KLK4: variants seen among roughly 807,000 people sequenced by gnomAD.
KLK4 encodes kallikrein-4.
A neutral mutation model predicts 24.3 loss-of-function variants in KLK4; 24 were observed. The ratio of observed to expected loss-of-function variants is 0.99; its 90% CI spans 0.72 to 1.39. KLK4 has a LOEUF of 1.39. Among genes scored for constraint, KLK4 ranks in the 40% most tolerant of loss-of-function variants. The probability of loss-of-function intolerance (pLI) is 0.00; values close to 1 mark genes in which losing one functional copy is unlikely to be tolerated. For synonymous variants in KLK4, 142 were observed against 138.8 expected (o/e 1.02, Z -0.16); for missense variants, 344 against 327.4 (o/e 1.05, Z -0.39).
intron 5 of KLK4, among the ~76,000 whole-genome samples, chr19:50,907,487 ACCTCTG>A (rs2090444690): frequency 6.8e-6 from 1 of 147,050 alleles, no homozygotes; most frequent in South Asian, 2.2e-4. Context: ...ACTCACTTCA[ACCTCTG>A]CCTCCCATAT....
In KLK4 at chr19:50,910,111, G is replaced by C. The variant is rs767510183; in HGVS notation, c.61+567C>G. On this transcript the variant is annotated intron_variant, in intron 2 of 5. Transcript: ENST00000324041. The surrounding 1 kb of genome is among the most constrained non-coding windows in gnomAD (Gnocchi z 4.4). Reference sequence around the variant, plus strand: ...CTTCGGGGTGAATTAAAGCTCAGGGGGTGGAGTTGTTGCTGGGAGCAAGGA... The same window carrying C: ...CTTCGGGGTGAATTAAAGCTCAGGGCGTGGAGTTGTTGCTGGGAGCAAGGA... Among the ~76,000 whole-genome samples the C allele has an allele frequency of 2.6e-5, 4 of 151,928 alleles. No individual in the cohort carries two copies. The highest frequency in any genetic ancestry group is 4.4e-5 in the Non-Finnish European group (3 of 67,958).
chr19:50,909,191 C>A, intron 3 of KLK4, 61 bp downstream of exon 3: 1 of 1,613,092 alleles, frequency 6.2e-7, no homozygotes, highest in Non-Finnish European at 8.5e-7. Context: ...CAAGATGAGC[C>A]TGATATTAGG....
At chr19:50,909,822 G>A (rs747766012) in intron 2 of KLK4, among the ~76,000 whole-genome samples, 5 of 151,842 alleles carry the variant, frequency 3.3e-5, no homozygotes, top group Non-Finnish European at 7.4e-5. Flanking sequence ...CAGGGCTCCT[G>A]GGAGGAGAGT....
intron 5 of KLK4, among the ~76,000 whole-genome samples, chr19:50,907,582 T>G (rs560571367): frequency 2.0e-5 from 3 of 152,180 alleles, no homozygotes; most frequent in Admixed American, 1.3e-4. Context: ...AACTTTTGTA[T>G]TTTTAGTACA....
At position 50,911,330 on chromosome 19, in the gene KLK4, G is replaced by C. The variant is rs577116390; in HGVS notation, c.-12+9C>G. The stretch of plus-strand genomic sequence containing the variant: ...CAGGCTTTTAGTGGGGGACCACCAG[G>C]CCTCTTACCCGGCCACCTCTGGGCT... On this transcript the variant is annotated intron_variant, in intron 1 of 5. Transcript: ENST00000324041. Among the ~76,000 whole-genome samples, 116 of 152,328 alleles carry C rather than the reference G, an allele frequency of 7.6e-4. 1 individual carries two copies. Among genetic ancestry groups the C allele is most frequent in the Admixed American group, 6.8e-3 (104 of 15,296 alleles).
rs1233890218 is a variant in KLK4 at position 50,906,809 on chromosome 19, A to G, written c.*125T>C. Reference sequence around the variant, plus strand: ...GCTGGGGATCTGTACCCTTGGTTTGAGGGAGGAGGGGCTGGGGGCCTGGAC... The same window carrying G: ...GCTGGGGATCTGTACCCTTGGTTTGGGGGAGGAGGGGCTGGGGGCCTGGAC... On this transcript the variant is annotated 3_prime_UTR_variant, in exon 6 of 6. Transcript: ENST00000324041. 9.4e-6 allele frequency: 10 copies of G among 1,061,378 alleles called. No homozygotes were observed. In the Admixed American group the frequency reaches 1.7e-4, roughly 18 times the overall value. The allele number at this position is 1,061,378 out of a possible 1,614,324, so 65.7% of individuals were successfully genotyped here. A position where few individuals can be genotyped will look rare whatever the true frequency, so the allele number is the denominator to read the frequency against.
chr19:50,908,425 A>G, exon 5 of KLK4: 2 of 1,614,118 alleles, frequency 1.2e-6, no homozygotes, highest in African/African-American at 1.3e-5. Flanking sequence ...ACAGCGGGTC[A>G]TAGAGCTTAC....
chr19:50,907,334 G>C (rs1334791108), intron 5 of KLK4, among the ~76,000 whole-genome samples: 1 of 150,966 alleles, frequency 6.6e-6, no homozygotes, highest in Admixed American at 6.6e-5. Flanking sequence ...GTTTCTGTTT[G>C]TCTGTCTCTC....
chr19:50,909,091 C>T (rs959651659), intron 3 of KLK4, 161 bp downstream of exon 3: 65 of 1,414,448 alleles, frequency 4.6e-5, no homozygotes, highest in Non-Finnish European at 5.2e-5. Flanking sequence ...AAGATTCCCG[C>T]CTCCCAGCCC....
chr19:50,910,825 C>A lies in KLK4; in HGVS notation c.-11-76G>T. ...TCTCTCCATCCCTCTCTTTGTCCCT[C>A]CCTTTCTTCCCTCTGGGACGTTATT... On this transcript the variant is annotated intron_variant, in intron 1 of 5. Transcript: ENST00000324041. The surrounding 1 kb of genome is among the most constrained non-coding windows in gnomAD (Gnocchi z 4.4). 1 of 1,267,100 alleles carries A rather than the reference C, an allele frequency of 7.9e-7. No individual in the cohort carries two copies. Among genetic ancestry groups the A allele is most frequent in the Non-Finnish European group, 1.1e-6 (1 of 888,928 alleles). The allele number at this position is 1,267,100 out of a possible 1,614,324, so 78.5% of individuals were successfully genotyped here.
At chr19:50,906,728 G>C in exon 6 of KLK4, 4 of 462,042 alleles carry the variant, frequency 8.7e-6, no homozygotes, top group Admixed American at 3.8e-5. Flanking sequence ...CTGGACTCCT[G>C]GGTCTGAGGG....
chr19:50,911,219 T>C (rs2090485482), intron 1 of KLK4, among the ~76,000 whole-genome samples, 120 bp downstream of exon 1: 1 of 152,200 alleles, frequency 6.6e-6, no homozygotes, highest in Non-Finnish European at 1.5e-5. Context: ...GTGAGAGATC[T>C]GTCTAGAGAG....
exon 6 of KLK4, chr19:50,906,509 C>CGGGT (rs1181125526): frequency 4.2e-6 from 1 of 235,404 alleles, no homozygotes. Context: ...GGGGCTGGGA[C>CGGGT]CTGGACCTCT....
At chr19:50,909,342 T>G (rs1232449929) in exon 3 of KLK4, 1 of 1,614,122 alleles carries the variant, frequency 6.2e-7, no homozygotes, top group Admixed American at 1.7e-5. Context: ...CAGTGCCGCC[T>G]GCCAGGGCTG....
rs2090459820 is a variant in KLK4, at chr19:50,908,800, CTG to C, written c.252_253del (p.His84GlnfsTer3). The C allele has an allele frequency of 6.2e-7, 1 of 1,613,374 alleles. No homozygotes were observed. The highest frequency in any genetic ancestry group is 1.3e-5 in the African/African-American group (1 of 74,988). The stretch of plus-strand genomic sequence containing the variant: ...CCCTGGCTCTTGGTCGGCCTCAAGA[CTG>C]TGCAGGCCCAGCCCGATGGTGTAGG... On this transcript the variant is annotated frameshift_variant, in exon 4 of 6. Transcript: ENST00000324041. LOFTEE classifies it high-confidence loss of function.
At chr19:50,907,851 T>A in intron 5 of KLK4, 1 of 248,162 alleles carries the variant, frequency 4.0e-6, no homozygotes, top group Non-Finnish European at 7.9e-6. Flanking sequence ...ATTTTTTCAA[T>A]AAACACATTA....
chr19:50,907,947 G>T (rs1255929792), intron 5 of KLK4: 3 of 297,898 alleles, frequency 1.0e-5, no homozygotes, highest in Non-Finnish European at 1.3e-5. Flanking sequence ...TCCAACAAAG[G>T]TATATCATGA....
Position 50,910,787 on chromosome 19 carries a change from T to G in KLK4, c.-11-38A>C. ...ACTGAGACTTAGCCGTGTCTGGGGA[T>G]CTTCAGCCCAAGTCTCTCCATCCCT... On this transcript the variant is annotated intron_variant, in intron 1 of 5. Coordinates refer to ENST00000324041, the Ensembl canonical transcript of KLK4. This position sits in a 1 kb window ranked among gnomAD's most constrained non-coding sequence, Gnocchi z 4.4. The G allele has an allele frequency of 6.6e-7, 1 of 1,508,614 alleles. No individual in the cohort carries two copies. The highest frequency in any genetic ancestry group is 9.0e-7 in the Non-Finnish European group (1 of 1,107,836). 93.5% of individuals were successfully genotyped at this position (1,508,614 alleles called of 1,614,324 possible).
chr19:50,909,936 G>A lies in KLK4; in HGVS notation c.62-522C>T, dbSNP rs1259850183. 3.3e-5 allele frequency among the ~76,000 whole-genome samples: 5 copies of A among 151,670 alleles called. No homozygotes were observed. The East Asian group carries it at 5.8e-4, about 18-fold the overall frequency. ...TTCAAGAGCTGGGTTATGGCTAGAG[G>A]CAGTCTCAGAAGGTGGGACCAGGGC... On this transcript the variant is annotated intron_variant, in intron 2 of 5. Coordinates refer to ENST00000324041, the Ensembl canonical transcript of KLK4.
Sources: allele counts gnomAD v4.1 joint callset (sites outside exome capture counted in the v4.1 genomes callset), GRCh38; gene constraint gnomAD v4.1.1; non-coding constraint Gnocchi (gnomAD v3.1); transcripts MANE v1.5; gene names NCBI Gene and HGNC (gene_info 2026-07-23, HGNC 2026-07-21).